CERS6: variants seen among roughly 807,000 people sequenced by gnomAD.
CERS6 encodes LAG1 homolog, ceramide synthase 6.
A neutral mutation model predicts 56.8 loss-of-function variants in CERS6; 26 were observed. The observed-to-expected ratio is 0.46, with a 90% CI of 0.34 to 0.63. The LOEUF is 0.63. CERS6 is among the 30% of genes least tolerant of loss of function. The pLI is 0.01. For synonymous variants in CERS6, 164 were observed against 173.3 expected, an observed-to-expected ratio of 0.95 and a Z score of 0.42; for missense variants, 415 against 467.5, an observed-to-expected ratio of 0.89 and a Z score of 1.04.
At chr2:168,517,756 A>G (rs535991170) in intron 1 of CERS6, among the ~76,000 whole-genome samples, 1 of 152,148 alleles carries the variant, frequency 6.6e-6, no homozygotes, top group South Asian at 2.1e-4. Flanking sequence ...AATTAATTTT[A>G]AAAAACCATA....
At chr2:168,591,436 T>C (rs1434379686) in intron 3 of CERS6, among the ~76,000 whole-genome samples, 3 of 152,226 alleles carry the variant, frequency 2.0e-5, no homozygotes, top group Admixed American at 6.5e-5. Context: ...AAAATCATAC[T>C]TTTAAATAAC....
intron 8 of CERS6, among the ~76,000 whole-genome samples, chr2:168,729,947 A>G (rs952754316): frequency 1.3e-5 from 2 of 152,216 alleles, no homozygotes; most frequent in Non-Finnish European, 2.9e-5. Context: ...GATATTGATT[A>G]GGTTATGTGC....
chr2:168,616,925 G>T (rs897691454), intron 3 of CERS6, among the ~76,000 whole-genome samples: 2 of 152,128 alleles, frequency 1.3e-5, no homozygotes, highest in Admixed American at 1.3e-4. Flanking sequence ...AACAACCACA[G>T]AATATGCATT....
chr2:168,592,019 G>A (rs916078699), intron 3 of CERS6, among the ~76,000 whole-genome samples: 4 of 152,110 alleles, frequency 2.6e-5, no homozygotes, highest in African/African-American at 9.7e-5. Flanking sequence ...TTGTGTTGCC[G>A]ACTTTCAACT....
intron 4 of CERS6, among the ~76,000 whole-genome samples, chr2:168,684,036 C>T (rs750250689): frequency 1.4e-4 from 21 of 152,242 alleles, no homozygotes; most frequent in Middle Eastern, 3.4e-3. Flanking sequence ...CTCTTTCTAC[C>T]TATATATACT....
chr2:168,477,595 A>C (rs1403272270), intron 1 of CERS6, among the ~76,000 whole-genome samples: 1 of 152,210 alleles, frequency 6.6e-6, no homozygotes, highest in Non-Finnish European at 1.5e-5. Context: ...TATGCTATTA[A>C]AAGCAATGTC....
chr2:168,468,551 AG>A (rs1379967012), intron 1 of CERS6, among the ~76,000 whole-genome samples: 1 of 152,212 alleles, frequency 6.6e-6, no homozygotes, highest in Non-Finnish European at 1.5e-5. Context: ...CATTGTGTTT[AG>A]GGCAATGCCT....
Position 168,744,251 on chromosome 2 carries a change from C to T in CERS6, c.846-21341C>T, listed in dbSNP as rs188408761. Among the ~76,000 whole-genome samples the T allele has an allele frequency of 3.1e-3, 466 of 152,198 alleles. 2 individuals are homozygous for T. Among genetic ancestry groups the T allele is most frequent in the African/African-American group, 0.011 (437 of 41,530 alleles). On this transcript the variant is annotated intron_variant, in intron 8 of 9. Transcript: ENST00000305747. ...CTATCTCCTGACCTCATGATCCGCC[C>T]ACCTCGGCCTCCCAAAGTGCTGGGA...
At position 168,601,618 on chromosome 2, in the gene CERS6, T is replaced by G. The variant is rs796614251; in HGVS notation, c.408-29367T>G. On this transcript the variant is annotated intron_variant, in intron 3 of 9. Transcript: ENST00000305747. ...AGGCTGGAGTGTAGTGGTATGATCTTGGCTCACTGCAACCTCCACATCCTG... is the reference window on the plus strand; with the variant it reads ...AGGCTGGAGTGTAGTGGTATGATCTGGGCTCACTGCAACCTCCACATCCTG... Among the ~76,000 whole-genome samples the G allele has an allele frequency of 1.1e-3, 169 of 152,108 alleles. 2 individuals carry two copies. Among genetic ancestry groups the G allele is most frequent in the African/African-American group, 4.0e-3 (165 of 41,494 alleles).
At chr2:168,729,412 C>G (rs1683451203) in intron 8 of CERS6, among the ~76,000 whole-genome samples, 1 of 152,236 alleles carries the variant, frequency 6.6e-6, no homozygotes, top group South Asian at 2.1e-4. Context: ...TGCTCTCCAT[C>G]CTCACTTCCC....
chr2:168,509,464 A>G (rs1295163772), intron 1 of CERS6, among the ~76,000 whole-genome samples: 3 of 152,188 alleles, frequency 2.0e-5, no homozygotes, highest in Non-Finnish European at 4.4e-5. Context: ...CAATGGGTCT[A>G]TGAATCAGGT....
At chr2:168,485,832 G>A (rs1200347622) in intron 1 of CERS6, among the ~76,000 whole-genome samples, 1 of 152,140 alleles carries the variant, frequency 6.6e-6, no homozygotes, top group Admixed American at 6.5e-5. Flanking sequence ...GTGAACATAA[G>A]TTTTCAAACC....
intron 4 of CERS6, among the ~76,000 whole-genome samples, chr2:168,635,153 G>A (rs1357797215): frequency 1.3e-5 from 2 of 152,148 alleles, no homozygotes; most frequent in Non-Finnish European, 2.9e-5. Flanking sequence ...AGGTATAGTG[G>A]AGGTAGTAAT....
chr2:168,662,804 C>T (rs1347494825), intron 4 of CERS6, among the ~76,000 whole-genome samples: 1 of 152,210 alleles, frequency 6.6e-6, no homozygotes, highest in Non-Finnish European at 1.5e-5. Context: ...CCTAGCTTCC[C>T]ACAGCGTACA....
chr2:168,564,996 A>G (rs1454216280), intron 3 of CERS6, among the ~76,000 whole-genome samples: 1 of 152,226 alleles, frequency 6.6e-6, no homozygotes, highest in Non-Finnish European at 1.5e-5. Flanking sequence ...GTTGCTGATC[A>G]CATTTGTCAC....
intron 8 of CERS6, among the ~76,000 whole-genome samples, chr2:168,750,922 G>A (rs1283615270): frequency 6.6e-6 from 1 of 152,146 alleles, no homozygotes; most frequent in Admixed American, 6.5e-5. Flanking sequence ...ATAGTTCCTG[G>A]AAGTGTTGGG....
chr2:168,753,917 C>T (rs6433091), intron 8 of CERS6, among the ~76,000 whole-genome samples: 110,731 of 152,112 alleles, frequency 0.73, 40,880 homozygotes, highest in African/African-American at 0.83. Flanking sequence ...TATCCCCTTC[C>T]TTCCTGCCGC....
At chr2:168,760,106 C>G (rs113381400) in intron 8 of CERS6, among the ~76,000 whole-genome samples, 1,879 of 152,300 alleles carry the variant, frequency 0.012, 39 homozygotes, top group African/African-American at 0.042. Flanking sequence ...CAACCCCAGT[C>G]AGTCCTCCCT....
chr2:168,680,266 A>C (rs1328086403), intron 4 of CERS6, among the ~76,000 whole-genome samples: 1 of 152,232 alleles, frequency 6.6e-6, no homozygotes, highest in African/African-American at 2.4e-5. Context: ...GCACGGTCAC[A>C]GTGGTCTGCC....
Sources: gnomAD v4.1 joint callset for allele counts (sites outside exome capture counted in the v4.1 genomes callset) on GRCh38, gnomAD v4.1.1 for gene constraint, MANE v1.5 for transcripts, NCBI Gene and HGNC (gene_info 2026-07-23, HGNC 2026-07-21) for gene names.